Variants in ZC3H12B observed in about 807,000 individuals in gnomAD.
The protein encoded by ZC3H12B is zinc finger CCCH-type containing 12B.
In ZC3H12B, 7 loss-of-function variants were observed where a neutral mutation model predicts 43.9. The observed-to-expected ratio is 0.16, with a 90% confidence interval of 0.09 to 0.30. ZC3H12B has a LOEUF of 0.30. Ranked by LOEUF, ZC3H12B falls within the 10% of genes least tolerant of loss-of-function variation. The pLI is 1.00. For synonymous variants in ZC3H12B, 222 were observed against 241.7 expected, an observed-to-expected ratio of 0.92 and a Z score of 0.76; for missense variants, 475 against 670.2, an observed-to-expected ratio of 0.71 and a Z score of 3.22.
the ZC3H12B span, among the ~76,000 whole-genome samples, chrX:65,333,877 A>T: frequency 2.1e-4 from 23 of 112,006 alleles, no homozygotes; most frequent in African/African-American, 7.4e-4. Flanking sequence ...TTACACAACA[A>T]TTATAACTAT....
the ZC3H12B span, among the ~76,000 whole-genome samples, chrX:65,146,794 A>C: frequency 8.9e-6 from 1 of 111,858 alleles, no homozygotes; most frequent in African/African-American, 3.2e-5. Context: ...CTTTCTTCAC[A>C]GAGTCCTATG....
chrX:65,050,633 G>T, the ZC3H12B span, among the ~76,000 whole-genome samples: 1 of 110,859 alleles, frequency 9.0e-6, no homozygotes, highest in Non-Finnish European at 1.9e-5. Flanking sequence ...GTCACAAAAG[G>T]GTGTTGAATT....
intron 3 of ZC3H12B, among the ~76,000 whole-genome samples, chrX:65,411,290 C>T (rs1432943068): frequency 8.9e-6 from 1 of 111,925 alleles, no homozygotes; most frequent in Non-Finnish European, 1.9e-5. Flanking sequence ...TAGAAGGATG[C>T]TTACCAGAGG....
the ZC3H12B span, among the ~76,000 whole-genome samples, chrX:65,296,375 AT>A: frequency 9.0e-6 from 1 of 111,062 alleles, no homozygotes; most frequent in Non-Finnish European, 1.9e-5. Context: ...CTGGCGAGGG[AT>A]AAAAGACTAC....
At chrX:65,245,289 C>A in the ZC3H12B span, among the ~76,000 whole-genome samples, 1 of 111,720 alleles carries the variant, frequency 9.0e-6, no homozygotes, top group East Asian at 2.8e-4. Flanking sequence ...ACCATTCCTA[C>A]TGAAACTATT....
At chrX:65,314,336 T>C in the ZC3H12B span, among the ~76,000 whole-genome samples, 2 of 110,318 alleles carry the variant, frequency 1.8e-5, no homozygotes, top group Non-Finnish European at 3.8e-5. Context: ...ACAAAGAAAA[T>C]CACACCCGGA....
chrX:65,224,570 G>A, the ZC3H12B span, among the ~76,000 whole-genome samples: 1 of 112,730 alleles, frequency 8.9e-6, no homozygotes, highest in Non-Finnish European at 1.9e-5. Context: ...GCAGGGCGAG[G>A]CATTGCCTCA....
At chrX:65,119,761 A>G in the ZC3H12B span, among the ~76,000 whole-genome samples, 1 of 111,954 alleles carries the variant, frequency 8.9e-6, no homozygotes, top group Non-Finnish European at 1.9e-5. Context: ...GTTTTCTTCT[A>G]GGATTTTTAT....
chrX:65,445,576 A>T (rs2067364955), intron 3 of ZC3H12B, among the ~76,000 whole-genome samples: 1 of 112,622 alleles, frequency 8.9e-6, no homozygotes, highest in Non-Finnish European at 1.9e-5. Flanking sequence ...GGCCACTACC[A>T]CTGGGACTGT....
intron 3 of ZC3H12B, among the ~76,000 whole-genome samples, chrX:65,407,720 G>A (rs1317881212): frequency 3.5e-5 from 4 of 113,669 alleles, no homozygotes; most frequent in African/African-American, 1.3e-4. Context: ...AGGGGAGTGC[G>A]GTCGGAGTCA....
the ZC3H12B span, among the ~76,000 whole-genome samples, chrX:65,245,253 A>G: frequency 9.0e-6 from 1 of 111,705 alleles, no homozygotes; most frequent in Non-Finnish European, 1.9e-5. Flanking sequence ...AGTAAAAAAT[A>G]GCCTACCAAC....
the ZC3H12B span, among the ~76,000 whole-genome samples, chrX:65,319,760 A>G: frequency 8.9e-6 from 1 of 111,834 alleles, no homozygotes; most frequent in East Asian, 2.8e-4. Flanking sequence ...GATACAAATT[A>G]GGAACAACAT....
the ZC3H12B span, among the ~76,000 whole-genome samples, chrX:65,311,636 A>G: frequency 8.9e-6 from 1 of 111,789 alleles, no homozygotes; most frequent in Non-Finnish European, 1.9e-5. Context: ...CAGCGATCCC[A>G]TTACTGTATA....
exon 5 of ZC3H12B, chrX:65,505,631 A>G (rs1305602763): frequency 6.2e-5 from 7 of 112,361 alleles, no homozygotes; most frequent in Non-Finnish European, 1.1e-4. Context: ...AAATCAGGGT[A>G]TTTGACAATC....
At chrX:65,318,183 ATT>A in the ZC3H12B span, among the ~76,000 whole-genome samples, 4 of 96,948 alleles carry the variant, frequency 4.1e-5, no homozygotes, top group African/African-American at 3.8e-5. Flanking sequence ...GCCAACATGT[ATT>A]TTTTTTTTTT....
the ZC3H12B span, among the ~76,000 whole-genome samples, chrX:65,223,371 C>A: frequency 1.2e-4 from 13 of 111,200 alleles, no homozygotes; most frequent in Non-Finnish European, 2.5e-4. Context: ...TGTAAAAATT[C>A]TGGGAGATAA....
chrX:65,312,073 A>G, the ZC3H12B span, among the ~76,000 whole-genome samples: 1 of 111,628 alleles, frequency 9.0e-6, no homozygotes, highest in Non-Finnish European at 1.9e-5. Context: ...CAGCAAACCA[A>G]CATGGCATAT....
intron 3 of ZC3H12B, among the ~76,000 whole-genome samples, chrX:65,453,929 G>T (rs1453716191): frequency 8.9e-6 from 1 of 111,774 alleles, no homozygotes; most frequent in Non-Finnish European, 1.9e-5. Flanking sequence ...GGATGGGAGG[G>T]GGGTGAGAGA....
At chrX:65,309,590 CT>C in the ZC3H12B span, among the ~76,000 whole-genome samples, 1 of 111,949 alleles carries the variant, frequency 8.9e-6, no homozygotes, top group Non-Finnish European at 1.9e-5. Context: ...GGTACCATTC[CT>C]TCTGAAACTT....
Sources: gnomAD v4.1 joint callset for allele counts (sites outside exome capture counted in the v4.1 genomes callset) on GRCh38, gnomAD v4.1.1 for gene constraint, MANE v1.5 for transcripts, NCBI Gene and HGNC (gene_info 2026-07-23, HGNC 2026-07-21) for gene names.